The following CDC42BPB variants were observed in gnomAD, a reference collection of about 807,000 sequenced individuals.
CDC42BPB encodes CDC42 binding protein kinase beta.
In CDC42BPB, 37 loss-of-function variants were observed where a neutral mutation model predicts 214.9. That is an observed-to-expected ratio of 0.17 (90% CI 0.13 to 0.23). The LOEUF (loss-of-function observed/expected upper bound fraction) is 0.23, where lower values mean the gene tolerates loss of function less well. Ranked by LOEUF, CDC42BPB falls within the 10% of genes least tolerant of loss-of-function variation. The pLI is 1.00. For synonymous variants in CDC42BPB, 931 were observed against 884.0 expected, an observed-to-expected ratio of 1.05 and a Z score of -0.94; for missense variants, 1,694 against 2,227.0, an observed-to-expected ratio of 0.76 and a Z score of 4.82.
chr14:102,955,017 G>A (rs1007677323), intron 21 of CDC42BPB, among the ~76,000 whole-genome samples: 3 of 152,094 alleles, frequency 2.0e-5, no homozygotes, highest in African/African-American at 4.8e-5. Context: ...GAGCATACCC[G>A]CCCCCTCCTG....
chr14:102,985,123 TTA>T (rs1278304850), intron 6 of CDC42BPB, among the ~76,000 whole-genome samples: 1 of 149,604 alleles, frequency 6.7e-6, no homozygotes, highest in East Asian at 2.0e-4. Context: ...CATGTTCTGG[TTA>T]TACCGTGACA....
chr14:103,056,325 T>C (rs554594151), intron 1 of CDC42BPB, among the ~76,000 whole-genome samples: 48 of 152,078 alleles, frequency 3.2e-4, no homozygotes, highest in African/African-American at 1.1e-3. Context: ...AACCTTAAAA[T>C]TCCCTTGAAG....
intron 14 of CDC42BPB, among the ~76,000 whole-genome samples, chr14:102,969,604 CAT>C (rs1430554715): frequency 3.9e-5 from 6 of 152,354 alleles, no homozygotes; most frequent in East Asian, 3.9e-4. Flanking sequence ...GCGGCTCACA[CAT>C]GAGGAGATCC....
At chr14:103,005,247 A>T (rs1264118589) in intron 3 of CDC42BPB, among the ~76,000 whole-genome samples, 2 of 152,200 alleles carry the variant, frequency 1.3e-5, no homozygotes, top group African/African-American at 4.8e-5. Context: ...ACAAGATTCA[A>T]ACTGTCTTAC....
chr14:102,956,849 A>C (rs142818722), intron 21 of CDC42BPB, among the ~76,000 whole-genome samples: 1 of 150,562 alleles, frequency 6.6e-6, no homozygotes, highest in African/African-American at 2.5e-5. Flanking sequence ...TTAAGATGGT[A>C]AGTTTTATGT....
rs774288712 is a variant in CDC42BPB at position 102,944,363 on chromosome 14, A to G, written c.3936T>C (p.Asp1312=). The stretch of plus-strand genomic sequence containing the variant: ...TGATGTCAAAGCTGCCTTCCGCTCC[A>G]TCAAGGGACGACCACGGATAGAGGT... ...HVHLYPWSSL[D]GAEGSFDIKL... Residue 1312 remains aspartate, a synonymous_variant, in exon 30 of 37, where the codon GAT becomes GAC. Transcript: ENST00000361246. This position sits in a 1 kb window ranked among gnomAD's most constrained non-coding sequence, Gnocchi z 6.6. The G allele has an allele frequency of 1.2e-6, 2 of 1,613,200 alleles. No homozygotes were observed. The highest frequency in any genetic ancestry group is 1.7e-6 in the Non-Finnish European group (2 of 1,180,012).
intron 5 of CDC42BPB, among the ~76,000 whole-genome samples, chr14:102,993,249 G>A (rs1341204800): frequency 1.3e-5 from 2 of 151,666 alleles, no homozygotes; most frequent in Middle Eastern, 3.4e-3. Context: ...TTCTTCATAC[G>A]TTATATATAC....
intron 23 of CDC42BPB, 107 bp downstream of exon 23, chr14:102,954,091 A>C (rs1180345997): frequency 1.2e-6 from 1 of 818,996 alleles, no homozygotes; most frequent in Non-Finnish European, 2.0e-6. Flanking sequence ...GTATGCAAAA[A>C]TGACTAAGTA....
chr14:102,971,909 CCA>C lies in CDC42BPB; in HGVS notation c.1884+8_1884+9del. The C allele has an allele frequency of 6.2e-7, 1 of 1,613,524 alleles. No individual in the cohort carries two copies. The highest frequency in any genetic ancestry group is 2.2e-5 in the East Asian group (1 of 44,862). Reference sequence around the variant, plus strand: ...AGTCGATACCATCCCTGAACCATCTCCACAGCTACCTCTTTCCTGAGCTTCTC... The same window carrying C: ...AGTCGATACCATCCCTGAACCATCTCCAGCTACCTCTTTCCTGAGCTTCTC... On this transcript the variant is annotated splice_region_variant and intron_variant, in intron 13 of 36. Transcript: ENST00000361246.
chr14:102,981,425 C>CAA (rs1163364856), intron 7 of CDC42BPB, among the ~76,000 whole-genome samples: 10 of 152,336 alleles, frequency 6.6e-5, no homozygotes, highest in African/African-American at 2.4e-4. Flanking sequence ...CTCAGGACTG[C>CAA]ACTGTATTTT....
At position 102,974,498 on chromosome 14, in the gene CDC42BPB, G is replaced by A. The variant is rs181727129; in HGVS notation, c.1508-349C>T. On this transcript the variant is annotated intron_variant, in intron 11 of 36. Coordinates refer to ENST00000361246, the MANE Select transcript of CDC42BPB (RefSeq NM_006035.4). ...TGCCTGGCCCTTGTCCTTTCTCAGCGTGCAAGAAAAGTTTTAGTTAGTAAG... is the reference window on the plus strand; with the variant it reads ...TGCCTGGCCCTTGTCCTTTCTCAGCATGCAAGAAAAGTTTTAGTTAGTAAG... Among the ~76,000 whole-genome samples, 73 of 152,262 alleles carry A rather than the reference G, an allele frequency of 4.8e-4. 1 individual carries two copies. In the East Asian group the frequency reaches 8.3e-3, roughly 17 times the overall value.
intron 10 of CDC42BPB, 34 bp downstream of exon 10, chr14:102,975,849 C>T: frequency 6.2e-7 from 1 of 1,613,888 alleles, no homozygotes; most frequent in East Asian, 2.2e-5. Flanking sequence ...GCCGCAGCGC[C>T]CCCGCCTGGC....
At position 102,940,071 on chromosome 14, in the gene CDC42BPB, C is replaced by T. The variant is rs754735470; in HGVS notation, c.4566G>A (p.Leu1522=). The T allele has an allele frequency of 3.7e-6, 6 of 1,613,990 alleles. 1 individual carries two copies. In the South Asian group the frequency reaches 6.6e-5, roughly 18 times the overall value. ...LNLLNCEPPR[L]IYFKSKFSGA... ...CCGAGAACTTGCTCTTGAAGTAGAT[C>T]AAGCGTGGAGGCTCGCAGTTGAGGA... The change falls in exon 32 of 37, where the codon TTG becomes TTA. Residue 1522 remains leucine (L), a synonymous_variant. Transcript: ENST00000361246.
chr14:102,966,040 T>C (rs975360088), intron 18 of CDC42BPB, among the ~76,000 whole-genome samples: 3 of 152,168 alleles, frequency 2.0e-5, no homozygotes, highest in African/African-American at 7.2e-5. Context: ...AATCCAGTCT[T>C]AACTTGACAC....
intron 30 of CDC42BPB, chr14:102,940,810 C>T (rs1595446333): frequency 4.6e-6 from 1 of 218,692 alleles, no homozygotes; most frequent in East Asian, 1.1e-4. Context: ...TGCCTGTCTG[C>T]CCTCCACACT....
intron 8 of CDC42BPB, 129 bp from the exon 9 acceptor site, chr14:102,978,334 C>A (rs892455029): frequency 6.7e-7 from 1 of 1,502,608 alleles, no homozygotes; most frequent in Non-Finnish European, 8.9e-7. Context: ...AATGCGGATT[C>A]CATGGTGTCC....
rs1050274480 is a variant in CDC42BPB at position 102,962,590 on chromosome 14, C to T, written c.2821+471G>A. 6.6e-5 allele frequency among the ~76,000 whole-genome samples: 10 copies of T among 152,360 alleles called. 1 individual carries two copies. The highest frequency in any genetic ancestry group is 4.1e-4 in the South Asian group (2 of 4,834). ...ATAGGCTGGGCACGGTGGCTCACAC[C>T]TGTAATTCCAGCACTTTGGGAGGCT... On this transcript the variant is annotated intron_variant, in intron 20 of 36. Coordinates refer to ENST00000361246, the MANE Select transcript of CDC42BPB (RefSeq NM_006035.4).
rs371308106 is a variant in CDC42BPB at position 102,939,763 on chromosome 14, C to T, written c.4710-36G>A. ...GACACACTTTTGAGATTCATGGATACGTGAGAATCCTCTTGGCCCCCTCCC... is the reference window on the plus strand; with the variant it reads ...GACACACTTTTGAGATTCATGGATATGTGAGAATCCTCTTGGCCCCCTCCC... On this transcript the variant is annotated intron_variant, in intron 33 of 36. Coordinates refer to ENST00000361246, the MANE Select transcript of CDC42BPB (RefSeq NM_006035.4). The T allele has an allele frequency of 4.2e-5, 68 of 1,613,954 alleles. No individual in the cohort carries two copies. In the African/African-American group the frequency reaches 7.5e-4, roughly 18 times the overall value.
chr14:102,997,139 C>T (rs563567460), intron 5 of CDC42BPB, among the ~76,000 whole-genome samples: 1 of 152,298 alleles, frequency 6.6e-6, no homozygotes, highest in East Asian at 1.9e-4. Context: ...GCCTCCTGAT[C>T]ACCACGGAGG....
Sources: gnomAD v4.1 joint callset for allele counts (sites outside exome capture counted in the v4.1 genomes callset) on GRCh38, gnomAD v4.1.1 for gene constraint, Gnocchi (gnomAD v3.1) non-coding constraint, MANE v1.5 for transcripts, NCBI Gene and HGNC (gene_info 2026-07-23, HGNC 2026-07-21) for gene names.